Variants in PDZRN4 observed in about 807,000 individuals in gnomAD.
The protein encoded by PDZRN4 is PDZ domain containing ring finger 4, also known as PDZ domain-containing RING finger protein 4.
Under a neutral mutation model 99.0 loss-of-function variants are expected in PDZRN4, and 70 were observed. The observed-to-expected ratio is 0.71, with a 90% CI of 0.58 to 0.86. PDZRN4 has a LOEUF of 0.86. Ranked by LOEUF, PDZRN4 falls within the 40% of genes least tolerant of loss-of-function variation. The pLI is 0.00. For missense variants in PDZRN4, 1,474 were observed against 1,331.2 expected, an observed-to-expected ratio of 1.11 and a Z score of -1.67; for synonymous variants, 551 against 501.6, an observed-to-expected ratio of 1.10 and a Z score of -1.32.
intron 3 of PDZRN4, among the ~76,000 whole-genome samples, chr12:41,202,491 G>A (rs1317052157): frequency 6.6e-6 from 1 of 152,090 alleles, no homozygotes; most frequent in Non-Finnish European, 1.5e-5. Flanking sequence ...GACATGGGTT[G>A]GGTGGATTTG....
intron 3 of PDZRN4, among the ~76,000 whole-genome samples, chr12:41,299,612 C>G (rs1378041373): frequency 1.3e-5 from 2 of 151,828 alleles, no homozygotes; most frequent in Non-Finnish European, 2.9e-5. Context: ...GCTCGTTCTT[C>G]TAGAGTAAAA....
chr12:41,354,279 T>C (rs1275746160), intron 3 of PDZRN4, among the ~76,000 whole-genome samples: 1 of 152,094 alleles, frequency 6.6e-6, no homozygotes, highest in African/African-American at 2.4e-5. Flanking sequence ...GTCCTCTCCA[T>C]AATCTTCCCT....
At chr12:41,499,002 A>T (rs924759584) in intron 3 of PDZRN4, among the ~76,000 whole-genome samples, 1 of 152,104 alleles carries the variant, frequency 6.6e-6, no homozygotes, top group Non-Finnish European at 1.5e-5. Flanking sequence ...AATTGAAGAA[A>T]GTTTAATGAT....
chr12:41,248,091 T>G (rs1292795195), intron 3 of PDZRN4, among the ~76,000 whole-genome samples: 1 of 152,208 alleles, frequency 6.6e-6, no homozygotes, highest in Non-Finnish European at 1.5e-5. Context: ...CACTTTGTTC[T>G]GATATTTAAA....
chr12:41,571,720 T>C (rs1425340921), intron 9 of PDZRN4, among the ~76,000 whole-genome samples: 1 of 152,168 alleles, frequency 6.6e-6, no homozygotes, highest in Non-Finnish European at 1.5e-5. Flanking sequence ...CACTGGAAGA[T>C]GAAGCTTTGC....
intron 3 of PDZRN4, among the ~76,000 whole-genome samples, chr12:41,245,525 T>C (rs759197579): frequency 6.6e-6 from 1 of 152,172 alleles, no homozygotes; most frequent in African/African-American, 2.4e-5. Flanking sequence ...ATATGGATAA[T>C]GTAATAGGAT....
chr12:41,516,608 C>A (rs1472373893), intron 5 of PDZRN4, among the ~76,000 whole-genome samples: 1 of 152,040 alleles, frequency 6.6e-6, no homozygotes, highest in African/African-American at 2.4e-5. Context: ...TACCAAGGAA[C>A]ATATGCGTGT....
chr12:41,458,368 G>C (rs1952836173), intron 3 of PDZRN4, among the ~76,000 whole-genome samples: 1 of 152,130 alleles, frequency 6.6e-6, no homozygotes, highest in Non-Finnish European at 1.5e-5. Context: ...CATCGGCCAG[G>C]CTGGTCTTGA....
chr12:41,400,174 T>C (rs367598337), intron 3 of PDZRN4, among the ~76,000 whole-genome samples: 73 of 152,334 alleles, frequency 4.8e-4, no homozygotes, highest in South Asian at 2.9e-3. Flanking sequence ...CCATGGAATC[T>C]GCAGTTTTCT....
intron 3 of PDZRN4, among the ~76,000 whole-genome samples, chr12:41,300,735 C>T (rs1951530443): frequency 6.6e-6 from 1 of 151,914 alleles, no homozygotes; most frequent in Admixed American, 6.6e-5. Flanking sequence ...CAGCTGTACC[C>T]AGAGATCATT....
chr12:41,556,086 TA>T (rs1182230024), intron 7 of PDZRN4, among the ~76,000 whole-genome samples: 5 of 152,228 alleles, frequency 3.3e-5, no homozygotes, highest in Admixed American at 3.3e-4. Context: ...ATGGTAATAA[TA>T]ACCTATTGTT....
chr12:41,507,918 G>A (rs1214544034), intron 4 of PDZRN4, among the ~76,000 whole-genome samples: 2 of 151,684 alleles, frequency 1.3e-5, no homozygotes, highest in Non-Finnish European at 2.9e-5. Flanking sequence ...TTCTACAAGG[G>A]GAGTTGAACA....
chr12:41,195,767 T>C (rs1179026674), intron 3 of PDZRN4, among the ~76,000 whole-genome samples: 1 of 152,186 alleles, frequency 6.6e-6, no homozygotes, highest in African/African-American at 2.4e-5. Context: ...GCTTCTAAAG[T>C]TAGAATGTGC....
intron 3 of PDZRN4, among the ~76,000 whole-genome samples, chr12:41,369,741 T>C (rs1952027322): frequency 6.6e-6 from 1 of 152,020 alleles, no homozygotes; most frequent in South Asian, 2.1e-4. Context: ...CAGAATAATG[T>C]TTGCTCTTTA....
intron 6 of PDZRN4, among the ~76,000 whole-genome samples, chr12:41,554,810 CGTGTGTGTGTATGT>C (rs566263379): frequency 3.6e-4 from 54 of 151,154 alleles, no homozygotes; most frequent in Non-Finnish European, 6.8e-4. Context: ...ATCAGATGTG[CGTGTGTGTGTATGT>C]GTGTGTGTGT....
At chr12:41,214,633 GC>G (rs762702462) in intron 3 of PDZRN4, among the ~76,000 whole-genome samples, 89 of 151,886 alleles carry the variant, frequency 5.9e-4, no homozygotes, top group African/African-American at 2.1e-3. Flanking sequence ...ATGATTTTCT[GC>G]CTAGACTAAA....
rs746524210 is a variant in PDZRN4, at chr12:41,572,796, C to A, written c.2017C>A (p.Leu673Met). 7 of 1,614,002 alleles carry A rather than the reference C, an allele frequency of 4.3e-6. No individual in the cohort carries two copies. Among genetic ancestry groups the A allele is most frequent in the African/African-American group, 2.7e-5 (2 of 74,924 alleles). Residue 673 changes from leucine to methionine, a missense_variant, in exon 10 of 10, where the codon CTG (leucine) becomes ATG (methionine). Leu to Met is a conservative substitution (Grantham distance 15). Coordinates refer to ENST00000402685, the MANE Select transcript of PDZRN4 (RefSeq NM_001164595.2). ...TGAGCTACAGTTGCTTAATGAAGAA[C>A]TGAGAAACATTGAGCTTGAGTGTCA... The part of the protein sequence containing the change: ...EHELQLLNEE[L>M]RNIELECQNI...
intron 3 of PDZRN4, among the ~76,000 whole-genome samples, chr12:41,444,248 G>A (rs2730822): frequency 6.6e-6 from 1 of 151,852 alleles, no homozygotes; most frequent in African/African-American, 2.4e-5. Flanking sequence ...CCACTTTAAC[G>A]GTCTTAGCTG....
At chr12:41,468,343 C>T (rs1952949882) in intron 3 of PDZRN4, among the ~76,000 whole-genome samples, 1 of 152,182 alleles carries the variant, frequency 6.6e-6, no homozygotes, top group Non-Finnish European at 1.5e-5. Context: ...CTTAAGAAAA[C>T]TCTTTCTCAC....
Sources: allele counts gnomAD v4.1 joint callset (sites outside exome capture counted in the v4.1 genomes callset), GRCh38; gene constraint gnomAD v4.1.1; transcripts MANE v1.5; gene names NCBI Gene and HGNC (gene_info 2026-07-23, HGNC 2026-07-21).